The following TENM1 variants were observed in gnomAD, a reference collection of about 807,000 sequenced individuals.
TENM1 encodes the protein teneurin transmembrane protein 1.
In TENM1, 35 loss-of-function variants were observed where a neutral mutation model predicts 174.8. The observed-to-expected ratio is 0.20, with a 90% CI of 0.15 to 0.27. TENM1 has a LOEUF of 0.27. Ranked by LOEUF, TENM1 falls within the 10% of genes least tolerant of loss-of-function variation. The pLI, the probability that TENM1 is intolerant of heterozygous loss-of-function variation, is 1.00. For synonymous variants in TENM1, 781 were observed against 798.7 expected (o/e 0.98, Z 0.37); for missense variants, 1,633 against 2,130.1 (o/e 0.77, Z 4.59).
intron 15 of TENM1, among the ~76,000 whole-genome samples, chrX:124,533,531 A>G (rs1024930924): frequency 9.0e-6 from 1 of 110,707 alleles, no homozygotes. Context: ...TCCTCAAATC[A>G]CCATTGAAAT....
At chrX:125,102,408 A>C in the TENM1 span, among the ~76,000 whole-genome samples, 9 of 141 alleles carry the variant, frequency 0.064, no homozygotes, top group East Asian at 0.5. Flanking sequence ...ACAGAAAAAA[A>C]CCCAACCATA....
the TENM1 span, among the ~76,000 whole-genome samples, chrX:124,979,133 G>C: frequency 8.9e-6 from 1 of 112,795 alleles, no homozygotes; most frequent in African/African-American, 3.2e-5. Context: ...CTTGGCATTG[G>C]CCAAGCTCAG....
the TENM1 span, among the ~76,000 whole-genome samples, chrX:125,102,420 T>C: frequency 9.0e-6 from 1 of 110,679 alleles, no homozygotes; most frequent in Non-Finnish European, 1.9e-5. Flanking sequence ...CCAACCATAA[T>C]AACAATTTAA....
intron 30 of TENM1, among the ~76,000 whole-genome samples, chrX:124,383,020 A>G (rs1280837982): frequency 9.1e-6 from 1 of 109,433 alleles, no homozygotes; most frequent in Non-Finnish European, 1.9e-5. Context: ...CAGTGGTGCA[A>G]TCTTGGCTCA....
chrX:124,835,490 T>C (rs5956701), intron 3 of TENM1, among the ~76,000 whole-genome samples: 5,300 of 111,814 alleles, frequency 0.047, 201 homozygotes, highest in African/African-American at 0.12. Flanking sequence ...ATTAAATATA[T>C]ATTAGTTGAT....
At chrX:124,551,390 A>C (rs1359377647) in intron 14 of TENM1, among the ~76,000 whole-genome samples, 1 of 111,341 alleles carries the variant, frequency 9.0e-6, no homozygotes, top group Non-Finnish European at 1.9e-5. Context: ...GGAGTTGTTT[A>C]ATGGGTATAA....
chrX:124,434,464 A>T (rs1046043180), intron 23 of TENM1, among the ~76,000 whole-genome samples: 1 of 112,193 alleles, frequency 8.9e-6, no homozygotes, highest in African/African-American at 3.2e-5. Flanking sequence ...GTACCATAAA[A>T]GTTTGTTCTT....
At chrX:124,969,437 C>A in the TENM1 span, among the ~76,000 whole-genome samples, 1 of 111,898 alleles carries the variant, frequency 8.9e-6, no homozygotes, top group Admixed American at 9.5e-5. Context: ...TAGGGAGAGA[C>A]AACTTAGTAT....
At chrX:124,983,810 C>T in the TENM1 span, among the ~76,000 whole-genome samples, 4 of 110,124 alleles carry the variant, frequency 3.6e-5, no homozygotes, top group African/African-American at 9.9e-5. Flanking sequence ...TTAGTAGAGA[C>T]GGGGTTTCGC....
the TENM1 span, among the ~76,000 whole-genome samples, chrX:125,132,034 T>C: frequency 8.9e-5 from 10 of 112,455 alleles, no homozygotes; most frequent in Admixed American, 1.9e-4. Flanking sequence ...GGTTAATTAA[T>C]ACTTTAATGA....
At chrX:124,710,596 G>A (rs2053023572) in intron 4 of TENM1, among the ~76,000 whole-genome samples, 1 of 111,904 alleles carries the variant, frequency 8.9e-6, no homozygotes, top group African/African-American at 3.2e-5. Context: ...ATTTCCAAAT[G>A]CAGTTTCATA....
intron 16 of TENM1, among the ~76,000 whole-genome samples, chrX:124,527,497 G>A (rs961170611): frequency 1.2e-4 from 13 of 110,968 alleles, no homozygotes; most frequent in African/African-American, 4.3e-4. Context: ...TACCATTGGT[G>A]AAAAGTATAA....
At chrX:124,555,736 A>G (rs1162963061) in intron 14 of TENM1, among the ~76,000 whole-genome samples, 1 of 112,084 alleles carries the variant, frequency 8.9e-6, no homozygotes. Flanking sequence ...TCACAAATAG[A>G]TAACTCATTA....
chrX:124,713,456 T>C (rs1354175121), intron 4 of TENM1, among the ~76,000 whole-genome samples: 1 of 110,914 alleles, frequency 9.0e-6, no homozygotes, highest in Non-Finnish European at 1.9e-5. Context: ...TTGGTGGAGA[T>C]GGGGTTTCTC....
chrX:124,568,972 G>A (rs191439587), intron 11 of TENM1, among the ~76,000 whole-genome samples: 1 of 111,766 alleles, frequency 8.9e-6, no homozygotes, highest in Admixed American at 9.5e-5. Context: ...GGAAGGGTGA[G>A]GTGGGCAGGT....
chrX:124,507,703 A>G (rs1234782304), intron 18 of TENM1, among the ~76,000 whole-genome samples: 1 of 111,991 alleles, frequency 8.9e-6, no homozygotes, highest in Non-Finnish European at 1.9e-5. Flanking sequence ...TTACTGTGAC[A>G]TTCATCTATA....
chrX:125,135,548 G>T, the TENM1 span, among the ~76,000 whole-genome samples: 1 of 111,777 alleles, frequency 8.9e-6, no homozygotes, highest in East Asian at 2.8e-4. Context: ...ATTACATAAA[G>T]CATGTGTTTC....
At chrX:124,495,602 G>T (rs2047181176) in intron 20 of TENM1, among the ~76,000 whole-genome samples, 1 of 110,348 alleles carries the variant, frequency 9.1e-6, no homozygotes, top group African/African-American at 3.3e-5. Context: ...CCTATGTCCT[G>T]AATGGTAATG....
At chrX:125,200,967 A>G in the TENM1 span, among the ~76,000 whole-genome samples, 1 of 111,891 alleles carries the variant, frequency 8.9e-6, no homozygotes, top group African/African-American at 3.2e-5. Flanking sequence ...TCTAACATAG[A>G]ATATGAAAAA....
Sources: gnomAD v4.1 joint callset for allele counts (sites outside exome capture counted in the v4.1 genomes callset) on GRCh38, gnomAD v4.1.1 for gene constraint, MANE v1.5 for transcripts, NCBI Gene and HGNC (gene_info 2026-07-23, HGNC 2026-07-21) for gene names.